Variants in RUSF1 observed in about 807,000 individuals in gnomAD.
RUSF1 encodes the protein RUS family member 1.
A neutral mutation model predicts 63.0 loss-of-function variants in RUSF1; 58 were observed. The observed-to-expected ratio is 0.92, with a 90% CI of 0.75 to 1.15. RUSF1 has a LOEUF of 1.15. Ranked by LOEUF, RUSF1 falls within the 50% of genes most tolerant of loss-of-function variation. The pLI is 0.00. For synonymous variants in RUSF1, 274 were observed against 255.8 expected, an observed-to-expected ratio of 1.07 and a Z score of -0.68; for missense variants, 652 against 611.0, an observed-to-expected ratio of 1.07 and a Z score of -0.71.
intron 9 of RUSF1, 21 bp from the exon 10 acceptor site, chr16:31,493,069 C>T: frequency 6.2e-7 from 1 of 1,611,746 alleles, no homozygotes; most frequent in Non-Finnish European, 8.5e-7. Flanking sequence ...GAGGACAGTG[C>T]AGTGGGGGTG....
chr16:31,506,220 G>A (rs2082657952), intron 2 of RUSF1, among the ~76,000 whole-genome samples: 1 of 152,114 alleles, frequency 6.6e-6, no homozygotes. Flanking sequence ...GCACACCATT[G>A]AAAATACTGT....
intron 2 of RUSF1, among the ~76,000 whole-genome samples, chr16:31,504,089 G>C (rs1270287596): frequency 6.6e-6 from 1 of 151,970 alleles, no homozygotes; most frequent in Non-Finnish European, 1.5e-5. Context: ...TGTTAGAGAC[G>C]GGGTTAAACC....
In RUSF1 at chr16:31,490,360, G is replaced by A. The variant is rs201073991; in HGVS notation, c.*475C>T. On this transcript the variant is annotated 3_prime_UTR_variant, in exon 13 of 13. Transcript: ENST00000327237. ...TTCCGCCAGTGCCTGCTCTGGTTTT[G>A]TGGAATGAGCAGAGGTGGGGTGGGC... 1 of 1,613,142 alleles carries A rather than the reference G, an allele frequency of 6.2e-7. No individual in the cohort carries two copies. The highest frequency in any genetic ancestry group is 8.5e-7 in the Non-Finnish European group (1 of 1,179,632).
At chr16:31,502,287 A>AT (rs1298832922) in intron 2 of RUSF1, among the ~76,000 whole-genome samples, 1 of 152,048 alleles carries the variant, frequency 6.6e-6, no homozygotes, top group Admixed American at 6.6e-5. Context: ...CAGCCCTCCC[A>AT]TTCTCCACTG....
Position 31,507,852 on chromosome 16 carries a change from G to A in RUSF1, c.327C>T (p.Ser109=), listed in dbSNP as rs1324575379. 21 of 1,570,014 alleles carry A rather than the reference G, an allele frequency of 1.3e-5. No homozygotes were observed. Among genetic ancestry groups the A allele is most frequent in the Admixed American group, 3.7e-5 (2 of 53,698 alleles). The part of the protein sequence containing the change: ...VQAFASSLSG[S]LATQAVLLGI... ...CCAGCAAGACTGCCTGGGTGGCTAG[G>A]GAGCCGGAGAGGCTGGAAGCAAACG... The change falls in exon 2 of 13, where the codon TCC becomes TCT. Residue 109 remains serine, a synonymous_variant. Transcript: ENST00000327237.
rs975954990 is a variant in RUSF1, at chr16:31,493,627, T to C, written c.934A>G (p.Asn312Asp). Residue 312 changes from asparagine to aspartate, a missense_variant, in exon 8 of 13, where the codon AAT (asparagine) becomes GAT (aspartate). Asn to Asp is a conservative substitution (Grantham distance 23, BLOSUM62 1). Transcript: ENST00000327237. ...CCTGTCCACAGCGGCTCCATGCGAT[T>C]GGCTGCAGTTGGGTCGAGTACCTCT... ...RGEVLDPTAA[N>D]RMEPLWTGFW... The C allele has an allele frequency of 1.2e-6, 2 of 1,614,084 alleles. No individual in the cohort carries two copies. The highest frequency in any genetic ancestry group is 1.3e-5 in the African/African-American group (1 of 74,934).
At chr16:31,503,124 T>C (rs972600530) in intron 2 of RUSF1, among the ~76,000 whole-genome samples, 1 of 152,094 alleles carries the variant, frequency 6.6e-6, no homozygotes, top group Non-Finnish European at 1.5e-5. Flanking sequence ...TCCCACTTGC[T>C]TTTTTTTCCT....
Position 31,508,334 on chromosome 16 carries a change from C to T in RUSF1, c.40G>A (p.Glu14Lys), listed in dbSNP as rs1596633846. Residue 14 changes from glutamate to lysine, a missense_variant, in exon 1 of 13, where the codon GAG becomes AAG. Coordinates refer to ENST00000327237, the MANE Select transcript of RUSF1 (RefSeq NM_022744.4). ...DAGLETPLCS[E>K]QFGSGEARGC... The stretch of plus-strand genomic sequence containing the variant: ...CGTGCCTCCCCGGAGCCGAACTGCT[C>T]GGAACACAGCGGGGTCTCCAAACCC... 1.3e-6 allele frequency: 2 copies of T among 1,563,332 alleles called. No homozygotes were observed. The highest frequency in any genetic ancestry group is 4.6e-5 in the East Asian group (2 of 43,298).
Position 31,493,045 on chromosome 16 carries a change from G to A in RUSF1, c.1020C>T (p.Val340=), listed in dbSNP as rs755397529. ...GVPLHRLVSS[V]FELQQLVEGH... ...CCTCAACCAGCTGCTGCAGCTCAAAGACACTGTGGGGGAGAGGACAGTGCA... is the reference window on the plus strand; with the variant it reads ...CCTCAACCAGCTGCTGCAGCTCAAAAACACTGTGGGGGAGAGGACAGTGCA... Residue 340 remains valine (V), a synonymous_variant, in exon 10 of 13, where the codon GTC becomes GTT. Transcript: ENST00000327237. 6.2e-7 allele frequency: 1 copy of A among 1,613,916 alleles called. No homozygotes were observed. Among genetic ancestry groups the A allele is most frequent in the Non-Finnish European group, 8.5e-7 (1 of 1,179,976 alleles).
chr16:31,493,186 C>T, intron 9 of RUSF1, 138 bp from the exon 10 acceptor site: 1 of 963,392 alleles, frequency 1.0e-6, no homozygotes, highest in Non-Finnish European at 1.6e-6. Context: ...CTCCCTCAGC[C>T]ATTACCCATA....
chr16:31,491,951 CG>C, intron 12 of RUSF1, 57 bp downstream of exon 12: 1 of 1,581,990 alleles, frequency 6.3e-7, no homozygotes, highest in Non-Finnish European at 8.7e-7. Flanking sequence ...TGGGGGAAGG[CG>C]GGGCCCCCAG....
At chr16:31,502,210 A>C (rs1450855520) in intron 2 of RUSF1, among the ~76,000 whole-genome samples, 2 of 152,128 alleles carry the variant, frequency 1.3e-5, no homozygotes, top group Admixed American at 1.3e-4. Context: ...ATGTAGGAGA[A>C]AGGACACTAC....
At chr16:31,498,351 G>A (rs2082614940) in intron 5 of RUSF1, among the ~76,000 whole-genome samples, 1 of 152,152 alleles carries the variant, frequency 6.6e-6, no homozygotes, top group Non-Finnish European at 1.5e-5. Context: ...TTTCTCTGGG[G>A]TTTCCTACCC....
Position 31,501,596 on chromosome 16 carries a change from GA to G in RUSF1, c.416-866del, listed in dbSNP as rs1258273909. On this transcript the variant is annotated intron_variant, in intron 2 of 12. Coordinates refer to ENST00000327237, the MANE Select transcript of RUSF1 (RefSeq NM_022744.4). ...ATGACAGAGCAAGACCCAGTCTCAG[GA>G]AAAAAAAAAAAAAAAAGATTTGAAC... Among the ~76,000 whole-genome samples, 1,184 of 119,968 alleles carry G rather than the reference GA, an allele frequency of 9.9e-3. 7 individuals are homozygous for G. The highest frequency in any genetic ancestry group is 0.026 in the African/African-American group (836 of 32,700). The allele number at this position is 119,968 out of a possible 152,430, so 78.7% of individuals were successfully genotyped here. A position where few individuals can be genotyped will look rare whatever the true frequency, so the allele number is the denominator to read the frequency against.
Position 31,496,970 on chromosome 16 carries a change from A to G in RUSF1, c.601-20T>C. 2 of 1,577,708 alleles carry G rather than the reference A, an allele frequency of 1.3e-6. No homozygotes were observed. The highest frequency in any genetic ancestry group is 1.7e-6 in the Non-Finnish European group (2 of 1,162,074). On this transcript the variant is annotated intron_variant, in intron 5 of 12. Coordinates refer to ENST00000327237, the MANE Select transcript of RUSF1 (RefSeq NM_022744.4). ...GATGCACTGGGTGGGAGGGGAAGAGAGAAGGTTGGCAGAGACACGTGTCCT... is the reference window on the plus strand; with the variant it reads ...GATGCACTGGGTGGGAGGGGAAGAGGGAAGGTTGGCAGAGACACGTGTCCT...
Position 31,492,996 on chromosome 16 carries a change from AGAG to A in RUSF1, c.1066_1068del (p.Leu356del). On this transcript the variant is annotated inframe_deletion, in exon 10 of 13. Transcript: ENST00000327237. ...CACTCACTTTGTGACTGGTCCCAGC[AGAG>A]GAGGTAGGATTCTTGGTGCCCCTCA... 1 of 1,613,100 alleles carries A rather than the reference AGAG, an allele frequency of 6.2e-7. No homozygotes were observed. The highest frequency in any genetic ancestry group is 8.5e-7 in the Non-Finnish European group (1 of 1,179,288).
At chr16:31,502,771 T>G (rs1314764821) in intron 2 of RUSF1, among the ~76,000 whole-genome samples, 1 of 152,248 alleles carries the variant, frequency 6.6e-6, no homozygotes, top group Non-Finnish European at 1.5e-5. Context: ...AAAATCATCA[T>G]TGTGCCAGCC....
rs2142667619 is a variant in RUSF1 at position 31,508,274 on chromosome 16, A to C, written c.100T>G (p.Trp34Gly). The change falls in exon 1 of 13, where the codon TGG becomes GGG. Residue 34 changes from tryptophan to glycine, a missense_variant. Transcript: ENST00000327237. ...CACCAGCGCCAGCCCCCGACCTCCC[A>C]CTGCAGGCTCCCGTCCGCGGCGGCG... ...CRAAADGSLQ[W>G]EVGGWRWWGL... The C allele has an allele frequency of 6.4e-7, 1 of 1,571,326 alleles. No homozygotes were observed. The highest frequency in any genetic ancestry group is 1.2e-5 in the South Asian group (1 of 85,980).
intron 2 of RUSF1, among the ~76,000 whole-genome samples, chr16:31,504,444 T>C (rs2082647968): frequency 6.6e-6 from 1 of 152,132 alleles, no homozygotes; most frequent in African/African-American, 2.4e-5. Context: ...AATCTTTGTA[T>C]TTTTAGTACA....
Sources: gnomAD v4.1 joint callset for allele counts (sites outside exome capture counted in the v4.1 genomes callset) on GRCh38, gnomAD v4.1.1 for gene constraint, MANE v1.5 for transcripts, NCBI Gene and HGNC (gene_info 2026-07-23, HGNC 2026-07-21) for gene names.